TOM1L2: variants seen among roughly 807,000 people sequenced by gnomAD.
TOM1L2 encodes the protein target of myb1 like 2 membrane trafficking protein.
TOM1L2 carries 31 observed loss-of-function variants against 67.9 expected under a neutral mutation model. The observed-to-expected ratio is 0.46, with a 90% CI of 0.34 to 0.62. The LOEUF (loss-of-function observed/expected upper bound fraction) is 0.62. TOM1L2 is among the 20% of genes least tolerant of loss of function. The pLI, the probability that TOM1L2 is intolerant of heterozygous loss-of-function variation, is 0.01. For synonymous variants in TOM1L2, 256 were observed against 254.0 expected (o/e 1.01, Z -0.07); for missense variants, 606 against 663.5 (o/e 0.91, Z 0.95).
intron 7 of TOM1L2, among the ~76,000 whole-genome samples, chr17:17,870,764 G>A (rs774037815): frequency 6.6e-6 from 1 of 152,170 alleles, no homozygotes; most frequent in Non-Finnish European, 1.5e-5. Context: ...ACTCTTGAGG[G>A]GGTGTTACCA....
intron 1 of TOM1L2, among the ~76,000 whole-genome samples, chr17:17,911,917 T>TC (rs2144490514): frequency 6.8e-6 from 1 of 147,062 alleles, no homozygotes; most frequent in South Asian, 2.3e-4. Flanking sequence ...CCGCCCTTAA[T>TC]CCATTTAACC....
At chr17:17,872,672 C>G (rs1003929134) in intron 7 of TOM1L2, among the ~76,000 whole-genome samples, 1 of 152,224 alleles carries the variant, frequency 6.6e-6, no homozygotes, top group Non-Finnish European at 1.5e-5. Flanking sequence ...ACATGAGGAC[C>G]GAGCCAGGCA....
At chr17:17,915,218 G>A (rs2039579076) in intron 1 of TOM1L2, among the ~76,000 whole-genome samples, 1 of 152,112 alleles carries the variant, frequency 6.6e-6, no homozygotes, top group South Asian at 2.1e-4. Context: ...AGTTAGGATG[G>A]GGTAGTTTCA....
chr17:17,887,884 A>G (rs1256322646), intron 4 of TOM1L2, among the ~76,000 whole-genome samples: 1 of 152,198 alleles, frequency 6.6e-6, no homozygotes, highest in African/African-American at 2.4e-5. Flanking sequence ...GTTACTAAGC[A>G]TCCTTATTTT....
At chr17:17,946,136 C>T (rs6502626) in intron 1 of TOM1L2, among the ~76,000 whole-genome samples, 70,154 of 151,884 alleles carry the variant, frequency 0.46, 17,000 homozygotes, top group East Asian at 0.86. Flanking sequence ...CCTCAGCCTC[C>T]GAAAGTGCTG....
intron 1 of TOM1L2, among the ~76,000 whole-genome samples, chr17:17,971,846 G>A (rs1281653701): frequency 2.0e-5 from 3 of 152,254 alleles, no homozygotes; most frequent in African/African-American, 7.2e-5. Context: ...CTGGCAGAGT[G>A]GCACTGGCGC....
At chr17:17,855,454 C>G (rs912893704) in intron 12 of TOM1L2, among the ~76,000 whole-genome samples, 1 of 152,212 alleles carries the variant, frequency 6.6e-6, no homozygotes, top group African/African-American at 2.4e-5. Context: ...GGAGACACCC[C>G]TAGCTGATCA....
intron 1 of TOM1L2, among the ~76,000 whole-genome samples, chr17:17,959,300 T>TA (rs1215469762): frequency 6.6e-6 from 1 of 152,180 alleles, no homozygotes; most frequent in Non-Finnish European, 1.5e-5. Context: ...TCCAGGTAGT[T>TA]AGTGTCAAAA....
intron 7 of TOM1L2, among the ~76,000 whole-genome samples, chr17:17,873,995 G>A (rs1285829663): frequency 2.7e-5 from 4 of 148,988 alleles, no homozygotes; most frequent in African/African-American, 7.5e-5. Context: ...TCGCTCTGTC[G>A]CCCAGCCTGG....
intron 1 of TOM1L2, among the ~76,000 whole-genome samples, chr17:17,923,093 G>C (rs192060418): frequency 8.7e-4 from 132 of 152,276 alleles, no homozygotes; most frequent in South Asian, 1.2e-3. Context: ...CATACCTGCT[G>C]TGCTCATTAA....
intron 10 of TOM1L2, 149 bp downstream of exon 10, chr17:17,866,147 G>C (rs915429355): frequency 9.4e-6 from 9 of 954,120 alleles, no homozygotes; most frequent in Admixed American, 6.6e-5. Flanking sequence ...AAGTAAGGTG[G>C]TACAACTGGC....
intron 1 of TOM1L2, among the ~76,000 whole-genome samples, chr17:17,927,049 C>T (rs1271426900): frequency 3.9e-5 from 6 of 152,084 alleles, no homozygotes; most frequent in Admixed American, 3.9e-4. Flanking sequence ...TTGAATAATA[C>T]GAAACAAAGC....
chr17:17,915,774 G>A (rs1371686437), intron 1 of TOM1L2, among the ~76,000 whole-genome samples: 1 of 151,592 alleles, frequency 6.6e-6, no homozygotes, highest in African/African-American at 2.4e-5. Context: ...CTCTTGCCTT[G>A]GCCCCCCAAA....
intron 1 of TOM1L2, among the ~76,000 whole-genome samples, chr17:17,934,722 C>T (rs1045801808): frequency 1.3e-5 from 2 of 152,160 alleles, no homozygotes; most frequent in African/African-American, 4.8e-5. Flanking sequence ...CTTATCTGGT[C>T]TTTGGGTAAA....
At chr17:17,958,859 C>A (rs549647113) in intron 1 of TOM1L2, among the ~76,000 whole-genome samples, 26 of 152,268 alleles carry the variant, frequency 1.7e-4, no homozygotes, top group Admixed American at 1.2e-3. Context: ...ACCTTACCTC[C>A]GGAAAGGGGA....
At chr17:17,955,916 G>C (rs1036388228) in intron 1 of TOM1L2, among the ~76,000 whole-genome samples, 1 of 152,166 alleles carries the variant, frequency 6.6e-6, no homozygotes, top group Non-Finnish European at 1.5e-5. Context: ...TTAAGGCAGC[G>C]TGTCTGAAGT....
intron 11 of TOM1L2, 66 bp downstream of exon 11, chr17:17,862,665 C>G: frequency 7.3e-7 from 1 of 1,365,102 alleles, no homozygotes; most frequent in Admixed American, 1.8e-5. Context: ...TTGTGCTGGC[C>G]TGTGACCAGG....
At chr17:17,848,943 C>T in intron 13 of TOM1L2, 84 bp from the exon 14 acceptor site, 1 of 1,436,048 alleles carries the variant, frequency 7.0e-7, no homozygotes, top group Non-Finnish European at 9.8e-7. Context: ...CATGGCCACC[C>T]TAGGACAGCA....
Position 17,857,992 on chromosome 17 carries a change from A to C in TOM1L2, c.1278+3484T>G, listed in dbSNP as rs558854222. The C allele has an allele frequency of 1.2e-4, 84 of 729,632 alleles. No homozygotes were observed. The African/African-American group carries it at 1.4e-3, about 12-fold the overall frequency. The allele number at this position is 729,632 out of a possible 1,614,324, so 45.2% of individuals were successfully genotyped here. Reference sequence around the variant, plus strand: ...ATGCCCTGCTCCCAACCTCCACCCCAGCACGTCCCCCTTACCTGCCTGGAA... The same window carrying C: ...ATGCCCTGCTCCCAACCTCCACCCCCGCACGTCCCCCTTACCTGCCTGGAA... On this transcript the variant is annotated intron_variant, in intron 12 of 14. Transcript: ENST00000379504.
Sources: allele counts gnomAD v4.1 joint callset (sites outside exome capture counted in the v4.1 genomes callset), GRCh38; gene constraint gnomAD v4.1.1; transcripts MANE v1.5; gene names NCBI Gene and HGNC (gene_info 2026-07-23, HGNC 2026-07-21).